GALNT13: variants seen among roughly 807,000 people sequenced by gnomAD.
GALNT13 encodes the protein UDP-GalNAc:polypeptide N-acetylgalactosaminyltransferase 13.
GALNT13 carries 28 observed loss-of-function variants against 64.2 expected under a neutral mutation model. That is an observed-to-expected ratio of 0.44 (90% CI 0.32 to 0.60). The LOEUF (loss-of-function observed/expected upper bound fraction) is 0.60, where lower values mean the gene tolerates loss of function less well. Among genes scored for constraint, GALNT13 ranks in the 20% least tolerant of loss-of-function variants. The pLI is 0.05. For synonymous variants in GALNT13, 214 were observed against 224.6 expected, an observed-to-expected ratio of 0.95 and a Z score of 0.42; for missense variants, 577 against 669.8, an observed-to-expected ratio of 0.86 and a Z score of 1.53.
the GALNT13 span, among the ~76,000 whole-genome samples, chr2:153,380,368 GA>G: frequency 6.6e-6 from 1 of 152,180 alleles, no homozygotes; most frequent in East Asian, 1.9e-4. Flanking sequence ...CACTGTTCAG[GA>G]GGTTGAGGCA....
chr2:153,937,110 A>T (rs532753572), intron 2 of GALNT13, among the ~76,000 whole-genome samples: 22 of 152,334 alleles, frequency 1.4e-4, no homozygotes, highest in African/African-American at 4.6e-4. Context: ...ATAGCATATG[A>T]TCAAGCAATT....
intron 9 of GALNT13, among the ~76,000 whole-genome samples, chr2:154,302,313 T>C (rs1408019819): frequency 1.3e-5 from 2 of 152,102 alleles, no homozygotes; most frequent in African/African-American, 2.4e-5. Context: ...AACTGAAGCA[T>C]TTAAAAAGGG....
At chr2:153,421,418 T>G in the GALNT13 span, 17 of 226,646 alleles carry the variant, frequency 7.5e-5, no homozygotes, top group Non-Finnish European at 5.0e-5. Context: ...TGCAAGGTGG[T>G]ACTGGTGGTG....
At chr2:154,069,797 G>C (rs1367925184) in intron 3 of GALNT13, among the ~76,000 whole-genome samples, 3 of 151,962 alleles carry the variant, frequency 2.0e-5, no homozygotes, top group Non-Finnish European at 4.4e-5. Flanking sequence ...CATGAAAATA[G>C]TAATTTATTC....
At chr2:153,228,150 G>A in the GALNT13 span, among the ~76,000 whole-genome samples, 502 of 152,286 alleles carry the variant, frequency 3.3e-3, 1 homozygote, top group Non-Finnish European at 5.6e-3. Flanking sequence ...GCATGCATGT[G>A]GCAGACAGAT....
chr2:154,172,466 T>C (rs1327870820), intron 4 of GALNT13, among the ~76,000 whole-genome samples: 1 of 152,044 alleles, frequency 6.6e-6, no homozygotes, highest in African/African-American at 2.4e-5. Context: ...CTTTCTGGCC[T>C]CTGGTAACCA....
At chr2:154,333,677 A>C (rs544022134) in intron 9 of GALNT13, among the ~76,000 whole-genome samples, 21 of 152,110 alleles carry the variant, frequency 1.4e-4, no homozygotes, top group Non-Finnish European at 2.5e-4. Flanking sequence ...AAAAATGGTG[A>C]AAATGTTTCA....
chr2:153,733,820 T>C, the GALNT13 span, among the ~76,000 whole-genome samples: 1 of 152,200 alleles, frequency 6.6e-6, no homozygotes, highest in Admixed American at 6.5e-5. Context: ...TAATTTTGAA[T>C]AAAGCAACAG....
intron 3 of GALNT13, among the ~76,000 whole-genome samples, chr2:154,111,886 C>A (rs1161944397): frequency 6.6e-6 from 1 of 152,128 alleles, no homozygotes; most frequent in Non-Finnish European, 1.5e-5. Context: ...CATGGTAAGA[C>A]CAGTGAATTC....
At chr2:154,446,427 T>C in intron 12 of GALNT13, 1 of 866,426 alleles carries the variant, frequency 1.2e-6, no homozygotes, top group Non-Finnish European at 1.6e-6. Context: ...AAAATGTGGC[T>C]CACAGCTCCA....
At chr2:153,146,168 A>AG in the GALNT13 span, among the ~76,000 whole-genome samples, 7 of 144,530 alleles carry the variant, frequency 4.8e-5, no homozygotes, top group South Asian at 2.2e-4. Flanking sequence ...TCTTTTATGG[A>AG]GGGTTTTTTT....
the GALNT13 span, chr2:153,208,104 T>G: frequency 5.5e-5 from 1 of 18,036 alleles, no homozygotes; most frequent in East Asian, 4.2e-4. Flanking sequence ...GATGATTTAT[T>G]TGGCAGTCAG....
intron 4 of GALNT13, among the ~76,000 whole-genome samples, chr2:154,239,971 T>C (rs1441249059): frequency 6.6e-6 from 1 of 152,198 alleles, no homozygotes; most frequent in African/African-American, 2.4e-5. Context: ...GTATGTGTCA[T>C]GCATTAACCC....
the GALNT13 span, among the ~76,000 whole-genome samples, chr2:153,404,531 G>GA: frequency 2.0e-3 from 301 of 149,278 alleles, 3 homozygotes; most frequent in African/African-American, 6.8e-3. Flanking sequence ...TTTTACTTTA[G>GA]AAAAAAAATC....
At chr2:153,525,089 A>G in the GALNT13 span, among the ~76,000 whole-genome samples, 2 of 152,222 alleles carry the variant, frequency 1.3e-5, no homozygotes, top group Non-Finnish European at 2.9e-5. Flanking sequence ...AGTAAGAGCC[A>G]TGGGGCTCCT....
the GALNT13 span, among the ~76,000 whole-genome samples, chr2:153,183,552 T>C: frequency 6.6e-6 from 1 of 152,370 alleles, no homozygotes; most frequent in South Asian, 2.1e-4. Flanking sequence ...CCTGTGCCTA[T>C]GTCCTGATTA....
At chr2:153,673,326 CAA>C in the GALNT13 span, among the ~76,000 whole-genome samples, 1 of 152,094 alleles carries the variant, frequency 6.6e-6, no homozygotes, top group African/African-American at 2.4e-5. Flanking sequence ...ACTGGCAAAA[CAA>C]ATCCAGCAGA....
At chr2:153,621,252 G>A in the GALNT13 span, among the ~76,000 whole-genome samples, 1 of 152,240 alleles carries the variant, frequency 6.6e-6, no homozygotes, top group South Asian at 2.1e-4. Context: ...TTCCAATGAT[G>A]TTACCTCTCA....
At chr2:153,517,958 A>G in the GALNT13 span, among the ~76,000 whole-genome samples, 4 of 152,182 alleles carry the variant, frequency 2.6e-5, no homozygotes, top group African/African-American at 4.8e-5. Context: ...TATCAATAGC[A>G]TGAAACACTT....
Sources: gnomAD v4.1 joint callset for allele counts (sites outside exome capture counted in the v4.1 genomes callset) on GRCh38, gnomAD v4.1.1 for gene constraint, MANE v1.5 for transcripts, NCBI Gene and HGNC (gene_info 2026-07-23, HGNC 2026-07-21) for gene names.